DLGAP1: variants seen among roughly 807,000 people sequenced by gnomAD.
DLGAP1 encodes DLG associated protein 1, also known as disks large-associated protein 1.
A neutral mutation model predicts 90.8 loss-of-function variants in DLGAP1; 11 were observed. That is an observed-to-expected ratio of 0.12 (90% confidence interval 0.08 to 0.20). The LOEUF is 0.20. DLGAP1 is among the 10% of genes least tolerant of loss of function. DLGAP1 has a pLI of 1.00. For synonymous variants in DLGAP1, 558 were observed against 540.7 expected, an observed-to-expected ratio of 1.03 and a Z score of -0.44; for missense variants, 1,050 against 1,333.8, an observed-to-expected ratio of 0.79 and a Z score of 3.31.
At position 4,237,398 on chromosome 18, in the gene DLGAP1, C is replaced by CTCCTTCAACAAAAGGACCCTGAAAA. The variant is rs376850579; in HGVS notation, c.-266-86112_-266-86111insTTTTCAGGGTCCTTTTGTTGAAGGA. ...TAGAAGCTAACGGAGACCCTGAAGC[C>CTCCTTCAACAAAAGGACCCTGAAAA]TCCTTTTGTTAGGATTTTCAACTGA... On this transcript the variant is annotated intron_variant, in intron 1 of 12. Coordinates refer to ENST00000315677, the MANE Select transcript of DLGAP1 (RefSeq NM_004746.4). Among the ~76,000 whole-genome samples the CTCCTTCAACAAAAGGACCCTGAAAA allele has an allele frequency of 4.6e-4, 70 of 152,200 alleles. 1 individual carries two copies. Among genetic ancestry groups the CTCCTTCAACAAAAGGACCCTGAAAA allele is most frequent in the Admixed American group, 2.6e-3 (40 of 15,268 alleles).
intron 7 of DLGAP1, among the ~76,000 whole-genome samples, chr18:3,613,365 A>T (rs1568306112): frequency 6.6e-6 from 1 of 152,018 alleles, no homozygotes; most frequent in Non-Finnish European, 1.5e-5. Flanking sequence ...AGAGGGACTC[A>T]CTGTTGCCCA....
chr18:4,092,783 T>C (rs1473484986), intron 2 of DLGAP1, among the ~76,000 whole-genome samples: 2 of 152,116 alleles, frequency 1.3e-5, no homozygotes, highest in African/African-American at 2.4e-5. Flanking sequence ...TCCTTGATCC[T>C]TCTCGTGGGC....
intron 1 of DLGAP1, among the ~76,000 whole-genome samples, chr18:4,451,475 T>C (rs770045088): frequency 6.6e-6 from 1 of 152,184 alleles, no homozygotes; most frequent in African/African-American, 2.4e-5. Context: ...GGGTGTCTAA[T>C]AGATTAAAAT....
At chr18:3,754,656 G>T (rs548464774) in intron 5 of DLGAP1, among the ~76,000 whole-genome samples, 11 of 149,074 alleles carry the variant, frequency 7.4e-5, no homozygotes, top group Admixed American at 2.0e-4. Context: ...GAGGCAGGTG[G>T]ATTGCATGAG....
intron 1 of DLGAP1, among the ~76,000 whole-genome samples, chr18:4,237,450 G>A (rs932244858): frequency 2.0e-4 from 31 of 152,142 alleles, no homozygotes; most frequent in African/African-American, 7.2e-4. Context: ...CAGAAAAAAC[G>A]GTCAGGGTTA....
At chr18:3,912,832 G>A (rs1268311896) in intron 3 of DLGAP1, among the ~76,000 whole-genome samples, 1 of 152,122 alleles carries the variant, frequency 6.6e-6, no homozygotes, top group Admixed American at 6.5e-5. Flanking sequence ...CTGAGGTGGG[G>A]CTAATATTGT....
chr18:4,173,610 T>C (rs1262913453), intron 1 of DLGAP1, among the ~76,000 whole-genome samples: 16 of 152,172 alleles, frequency 1.1e-4, no homozygotes. Context: ...TTCAAGGTTT[T>C]GGACTTCACA....
intron 3 of DLGAP1, among the ~76,000 whole-genome samples, chr18:3,904,629 C>T (rs1338737675): frequency 1.3e-5 from 2 of 152,184 alleles, no homozygotes; most frequent in Non-Finnish European, 2.9e-5. Flanking sequence ...GGAGAAAATG[C>T]TCCTGATTTC....
At chr18:3,621,195 C>G (rs1161108280) in intron 7 of DLGAP1, among the ~76,000 whole-genome samples, 1 of 152,112 alleles carries the variant, frequency 6.6e-6, no homozygotes, top group African/African-American at 2.4e-5. Flanking sequence ...ATTATTATAC[C>G]TGCCCTGACA....
In DLGAP1 at chr18:3,994,886, G is replaced by A. The variant is rs560810515; in HGVS notation, c.-73+10230C>T. 2.6e-5 allele frequency among the ~76,000 whole-genome samples: 4 copies of A among 152,300 alleles called. No homozygotes were observed. The South Asian group carries it at 8.3e-4, about 32-fold the overall frequency. Reference sequence around the variant, plus strand: ...ACATATAGATTCTAATTTTCTAAAAGAGAAATAGATTTGTTACTTGACTAT... The same window carrying A: ...ACATATAGATTCTAATTTTCTAAAAAAGAAATAGATTTGTTACTTGACTAT... On this transcript the variant is annotated intron_variant, in intron 3 of 12. Transcript: ENST00000315677.
intron 1 of DLGAP1, among the ~76,000 whole-genome samples, chr18:4,204,523 T>C (rs2077680424): frequency 6.6e-6 from 1 of 151,836 alleles, no homozygotes; most frequent in African/African-American, 2.4e-5. Context: ...TTTTTTGTTT[T>C]TGTTTTTTTT....
chr18:4,106,019 G>A lies in DLGAP1; in HGVS notation c.-159+45161C>T, dbSNP rs537636386. Among the ~76,000 whole-genome samples, 22 of 128,470 alleles carry A rather than the reference G, an allele frequency of 1.7e-4. No homozygotes were observed. In the South Asian group the frequency reaches 4.9e-3, roughly 29 times the overall value. The allele number at this position is 128,470 out of a possible 152,430, so 84.3% of individuals were successfully genotyped here. On this transcript the variant is annotated intron_variant, in intron 2 of 12. Coordinates refer to ENST00000315677, the MANE Select transcript of DLGAP1 (RefSeq NM_004746.4). ...TGCACTCCAGCCTGGGCGACAGAGC[G>A]AGGGTCCGTCTCAAAAAAAAAAAAA...
intron 1 of DLGAP1, among the ~76,000 whole-genome samples, chr18:4,200,789 T>G (rs1334462352): frequency 6.6e-6 from 1 of 152,134 alleles, no homozygotes; most frequent in Non-Finnish European, 1.5e-5. Flanking sequence ...ACTAGGGCAA[T>G]TCTTGTCCTT....
At chr18:3,704,626 G>T (rs2061378988) in intron 7 of DLGAP1, among the ~76,000 whole-genome samples, 2 of 151,648 alleles carry the variant, frequency 1.3e-5, no homozygotes, top group African/African-American at 2.4e-5. Flanking sequence ...GTGAGAAATG[G>T]TCATTTTGGG....
intron 1 of DLGAP1, among the ~76,000 whole-genome samples, chr18:4,175,271 T>C (rs1203708300): frequency 1.3e-5 from 2 of 152,184 alleles, no homozygotes; most frequent in African/African-American, 2.4e-5. Flanking sequence ...GGGGTTGTTT[T>C]TTTTCTTGGA....
chr18:4,406,906 T>C (rs1190497816), intron 1 of DLGAP1, among the ~76,000 whole-genome samples: 1 of 152,216 alleles, frequency 6.6e-6, no homozygotes. Context: ...ATTTCTGCAA[T>C]GTTGACTTTG....
At chr18:4,398,827 C>G (rs1402918630) in intron 1 of DLGAP1, among the ~76,000 whole-genome samples, 1 of 151,876 alleles carries the variant, frequency 6.6e-6, no homozygotes, top group East Asian at 1.9e-4. Context: ...TCAAGAGTGC[C>G]GTTTTTTTGT....
chr18:3,928,859 C>T (rs1204601394), intron 3 of DLGAP1, among the ~76,000 whole-genome samples: 1 of 152,138 alleles, frequency 6.6e-6, no homozygotes, highest in Non-Finnish European at 1.5e-5. Context: ...TCATGTTGAA[C>T]TGTGATCTCG....
At chr18:4,005,521 C>T (rs929618661) in intron 2 of DLGAP1, among the ~76,000 whole-genome samples, 3 of 152,170 alleles carry the variant, frequency 2.0e-5, no homozygotes, top group South Asian at 4.1e-4. Context: ...ATTTATTCAA[C>T]AAGTATCTAT....
Sources: allele counts gnomAD v4.1 joint callset (sites outside exome capture counted in the v4.1 genomes callset), GRCh38; gene constraint gnomAD v4.1.1; transcripts MANE v1.5; gene names NCBI Gene and HGNC (gene_info 2026-07-23, HGNC 2026-07-21).